The following EI24 variants were observed in gnomAD, a reference collection of about 807,000 sequenced individuals.
EI24 encodes EI24 autophagy associated transmembrane protein, also known as etoposide-induced protein 2.4 homolog.
In EI24, 21 loss-of-function variants were observed where a neutral mutation model predicts 48.6. The ratio of observed to expected loss-of-function variants is 0.43; its 90% confidence interval spans 0.31 to 0.62. The LOEUF (loss-of-function observed/expected upper bound fraction) is 0.62, where lower values mean the gene tolerates loss of function less well. EI24 is among the 20% of genes least tolerant of loss of function. EI24 has a pLI of 0.10. For synonymous variants in EI24, 114 were observed against 145.5 expected, an observed-to-expected ratio of 0.78 and a Z score of 1.56; for missense variants, 280 against 410.5, an observed-to-expected ratio of 0.68 and a Z score of 2.75.
At chr11:125,583,203 C>T (rs1405726907) in intron 10 of EI24, among the ~76,000 whole-genome samples, 1 of 152,052 alleles carries the variant, frequency 6.6e-6, no homozygotes, top group Non-Finnish European at 1.5e-5. Flanking sequence ...CAGGTTCAAG[C>T]GATTCTCCTG....
rs371108014 is a variant in EI24, at chr11:125,578,901, A to G, written c.442-48A>G. ...CTAGTGGCCTTAGCTTTGGGGATGT[A>G]TATCAAGGCCATTTAATTCATGTTT... On this transcript the variant is annotated intron_variant, in intron 6 of 10. Coordinates refer to ENST00000278903, the MANE Select transcript of EI24 (RefSeq NM_004879.5). 3.9e-5 allele frequency: 60 copies of G among 1,545,360 alleles called. No individual in the cohort carries two copies. The African/African-American group carries it at 7.5e-4, about 19-fold the overall frequency.
At chr11:125,577,382 C>G in intron 4 of EI24, 122 bp from the exon 5 acceptor site, 2 of 957,032 alleles carry the variant, frequency 2.1e-6, no homozygotes, top group Admixed American at 2.3e-5. Flanking sequence ...AGCCACCGCG[C>G]CCGGCCTAGG....
At chr11:125,575,959 T>G (rs1565328559) in intron 3 of EI24, 1 of 384,528 alleles carries the variant, frequency 2.6e-6, no homozygotes, top group South Asian at 2.2e-5. Context: ...TGGCTAATTT[T>G]TTATATTCTT....
At chr11:125,573,040 T>G in intron 2 of EI24, among the ~76,000 whole-genome samples, 1 of 142,038 alleles carries the variant, frequency 7.0e-6, no homozygotes, top group Non-Finnish European at 1.6e-5. Context: ...GAACCTATCT[T>G]TTTTTTTTCC....
In EI24 at chr11:125,573,465, CA is replaced by C. The variant is rs540101077; in HGVS notation, c.42+897del. 3.4e-3 allele frequency: 1,012 copies of C among 295,020 alleles called. 8 individuals carry two copies. The highest frequency in any genetic ancestry group is 0.021 in the African/African-American group (954 of 45,264). 18.3% of individuals were successfully genotyped at this position (295,020 alleles called of 1,614,324 possible). ...GAGTTTAAAAGGTTACCTTTATGGC[CA>C]GGGGAGGTGGCTCACAGCTGTAATC... is the stretch of plus-strand genomic sequence containing the variant. On this transcript the variant is annotated intron_variant, in intron 2 of 10. Coordinates refer to ENST00000278903, the MANE Select transcript of EI24 (RefSeq NM_004879.5).
chr11:125,581,352 C>A, intron 9 of EI24, 30 bp downstream of exon 9: 1 of 1,452,188 alleles, frequency 6.9e-7, no homozygotes, highest in Non-Finnish European at 9.6e-7. Flanking sequence ...TTGAAGGAGA[C>A]TAGTAAAAAT....
intron 10 of EI24, 75 bp from the exon 11 acceptor site, chr11:125,583,446 A>T: frequency 8.1e-7 from 1 of 1,229,944 alleles, no homozygotes; most frequent in Non-Finnish European, 1.1e-6. Context: ...TTTTAAATTT[A>T]ATGTCAAGTT....
rs765306942 is a variant in EI24 at position 125,583,751 on chromosome 11, C to T, written c.*68C>T. ...TGTGGCAGCTCTTTTCCCTGTTCAC[C>T]TCCCGCCTGCCAGGGAAGGCAGGAC... On this transcript the variant is annotated 3_prime_UTR_variant, in exon 11 of 11. Coordinates refer to ENST00000278903, the MANE Select transcript of EI24 (RefSeq NM_004879.5). The T allele has an allele frequency of 7.7e-6, 12 of 1,565,182 alleles. No homozygotes were observed. In the African/African-American group the frequency reaches 8.1e-5, roughly 11 times the overall value.
intron 2 of EI24, chr11:125,573,537 A>C (rs778061825): frequency 6.9e-5 from 26 of 379,428 alleles, no homozygotes; most frequent in Non-Finnish European, 1.4e-4. Flanking sequence ...TGAGTCTGGG[A>C]GTATGAAGCA....
chr11:125,579,175 A>G lies in EI24; in HGVS notation c.561+107A>G, dbSNP rs1437750166. 6.9e-6 allele frequency: 7 copies of G among 1,016,316 alleles called. No individual in the cohort carries two copies. In the Admixed American group the frequency reaches 2.2e-4, roughly 32 times the overall value. 63.0% of individuals were successfully genotyped at this position (1,016,316 alleles called of 1,614,324 possible). Reference sequence around the variant, plus strand: ...GTATTATATTTATACAGAGTATTATATATATGCTGGTGGGAGGTAATGATT... The same window carrying G: ...GTATTATATTTATACAGAGTATTATGTATATGCTGGTGGGAGGTAATGATT... On this transcript the variant is annotated intron_variant, in intron 7 of 10. Transcript: ENST00000278903.
At chr11:125,576,539 T>G (rs1290865202) in intron 4 of EI24, among the ~76,000 whole-genome samples, 1 of 152,224 alleles carries the variant, frequency 6.6e-6, no homozygotes, top group Non-Finnish European at 1.5e-5. Context: ...TACACTTGAA[T>G]TTTGTTTCTA....
In EI24 at chr11:125,575,303, A is replaced by T; in HGVS notation, c.83A>T (p.Lys28Met). Residue 28 changes from lysine (K) to methionine (M), a missense_variant, in exon 3 of 11, where the codon AAG becomes ATG. Around this residue, in one of 3 missense-constraint regions of EI24, gnomAD observed 204 missense variants for 294.1 expected, o/e 0.69. Coordinates refer to ENST00000278903, the MANE Select transcript of EI24 (RefSeq NM_004879.5). ...DSIWGICTIS[K>M]LDARIQQKRE... ...ATCTGGGGTATTTGTACCATCTCAAAGCTAGATGCTCGAATCCAGCAAAAG... is the reference window on the plus strand; with the variant it reads ...ATCTGGGGTATTTGTACCATCTCAATGCTAGATGCTCGAATCCAGCAAAAG... 6.4e-7 allele frequency: 1 copy of T among 1,556,814 alleles called. No homozygotes were observed. Among genetic ancestry groups the T allele is most frequent in the Non-Finnish European group, 8.7e-7 (1 of 1,150,036 alleles).
rs756747810 is a variant in EI24 at position 125,580,189 on chromosome 11, C to T, written c.658C>T (p.Arg220Cys). The T allele has an allele frequency of 3.7e-6, 6 of 1,611,918 alleles. No individual in the cohort carries two copies. The highest frequency in any genetic ancestry group is 2.7e-5 in the African/African-American group (2 of 75,002). Residue 220 changes from arginine to cysteine, a missense_variant, in exon 8 of 11, where the codon CGT (arginine) becomes TGT (cysteine). Around this residue, in one of 3 missense-constraint regions of EI24, gnomAD observed 204 missense variants for 294.1 expected, o/e 0.69. Transcript: ENST00000278903. ...CTACTCACTGTACTGCTTTGAATAT[C>T]GTTGGTTCAATAAAGGTAAGTCCAT... is the stretch of plus-strand genomic sequence containing the variant. ...LLYSLYCFEYRWFNKGIEMHQ... is the reference protein window; with the variant it reads ...LLYSLYCFEYCWFNKGIEMHQ...
rs761106771 is a variant in EI24, at chr11:125,580,173, G to A, written c.642G>A (p.Leu214=). 17 of 1,613,336 alleles carry A rather than the reference G, an allele frequency of 1.1e-5. No homozygotes were observed. Among genetic ancestry groups the A allele is most frequent in the Non-Finnish European group, 1.2e-5 (14 of 1,179,418 alleles). The change falls in exon 8 of 11, where the codon CTG becomes CTA. Residue 214 remains leucine (L), a synonymous_variant. Coordinates refer to ENST00000278903, the MANE Select transcript of EI24 (RefSeq NM_004879.5). ...TGCATATGTCCCTTCTCTACTCACT[G>A]TACTGCTTTGAATATCGTTGGTTCA... ...SLLHMSLLYS[L]YCFEYRWFNK... is the part of the protein sequence containing the mutation.
rs1938442375 is a variant in EI24, at chr11:125,569,485, C to T, written c.-159C>T. The stretch of plus-strand genomic sequence containing the variant: ...GCGGCCCGGGCATGCCCAGTGCGGG[C>T]GCAGCGGCCCCGGCCCTGGAAGCGC... On this transcript the variant is annotated 5_prime_UTR_variant, in exon 1 of 11. Coordinates refer to ENST00000278903, the MANE Select transcript of EI24 (RefSeq NM_004879.5). The T allele has an allele frequency of 5.2e-6, 2 of 383,376 alleles. No homozygotes were observed. Among genetic ancestry groups the T allele is most frequent in the South Asian group, 1.3e-4 (1 of 7,648 alleles). 23.7% of individuals were successfully genotyped at this position (383,376 alleles called of 1,614,324 possible).
At chr11:125,575,945 C>T (rs1308453827) in intron 3 of EI24, 3 of 385,702 alleles carry the variant, frequency 7.8e-6, no homozygotes, top group South Asian at 2.0e-5. Context: ...CGCACCACCA[C>T]GCCTGGCTAA....
intron 4 of EI24, 118 bp from the exon 5 acceptor site, chr11:125,577,386 G>T: frequency 9.8e-7 from 1 of 1,018,516 alleles, no homozygotes. Flanking sequence ...ACCGCGCCCG[G>T]CCTAGGCCTC....
intron 4 of EI24, 119 bp from the exon 5 acceptor site, chr11:125,577,385 G>A (rs768970680): frequency 2.3e-5 from 23 of 991,708 alleles, no homozygotes; most frequent in Non-Finnish European, 3.5e-5. Flanking sequence ...CACCGCGCCC[G>A]GCCTAGGCCT....
chr11:125,579,035 C>T lies in EI24; in HGVS notation c.528C>T (p.Phe176=), dbSNP rs760547660. ...GCAAAATAATTGCTGACATGCTCTTCAACCTTTTGCTGCAGGCTCTTTTCC... is the reference window on the plus strand; with the variant it reads ...GCAAAATAATTGCTGACATGCTCTTTAACCTTTTGCTGCAGGCTCTTTTCC... ...SVSKIIADML[F]NLLLQALFLI... Residue 176 remains phenylalanine (F), a synonymous_variant, in exon 7 of 11, where the codon TTC becomes TTT. Coordinates refer to ENST00000278903, the MANE Select transcript of EI24 (RefSeq NM_004879.5). 5 of 1,576,544 alleles carry T rather than the reference C, an allele frequency of 3.2e-6. No homozygotes were observed. The African/African-American group carries it at 6.7e-5, about 21-fold the overall frequency.
Sources: gnomAD v4.1 joint callset for allele counts (sites outside exome capture counted in the v4.1 genomes callset) on GRCh38, gnomAD v4.1.1 for gene constraint, gnomAD v4.1.1 regional missense constraint, MANE v1.5 for transcripts, NCBI Gene and HGNC (gene_info 2026-07-23, HGNC 2026-07-21) for gene names.